Variants in WDR45B observed in about 807,000 individuals in gnomAD.
WDR45B encodes the protein WD repeat domain 45B.
A neutral mutation model predicts 44.6 loss-of-function variants in WDR45B; 20 were observed. The ratio of observed to expected loss-of-function variants is 0.45; its 90% confidence interval spans 0.32 to 0.65. WDR45B has a LOEUF of 0.65. Ranked by LOEUF, WDR45B falls within the 30% of genes least tolerant of loss-of-function variation. The pLI, the probability that WDR45B is intolerant of heterozygous loss-of-function variation, is 0.05. For synonymous variants in WDR45B, 169 were observed against 164.9 expected, an observed-to-expected ratio of 1.02 and a Z score of -0.19; for missense variants, 323 against 430.2, an observed-to-expected ratio of 0.75 and a Z score of 2.20.
chr17:82,629,869 CCACT>C, intron 3 of WDR45B: 1 of 985,228 alleles, frequency 1.0e-6, no homozygotes, highest in Non-Finnish European at 1.2e-6. Flanking sequence ...CCTAGTTCAC[CCACT>C]CACTTCCCAT....
At chr17:82,638,333 G>A (rs1389405199) in intron 2 of WDR45B, among the ~76,000 whole-genome samples, 1 of 147,960 alleles carries the variant, frequency 6.8e-6, no homozygotes. Context: ...TGGTGGTGGG[G>A]AGACAGGACA....
chr17:82,616,705 T>G (rs2045541011), intron 8 of WDR45B, 60 bp from the exon 9 acceptor site: 2 of 1,608,458 alleles, frequency 1.2e-6, no homozygotes, highest in Non-Finnish European at 1.7e-6. Flanking sequence ...ATCACCTGCG[T>G]AAGCTCAGAA....
intron 3 of WDR45B, among the ~76,000 whole-genome samples, chr17:82,627,855 T>C (rs539705570): frequency 4.6e-5 from 7 of 152,228 alleles, no homozygotes; most frequent in Non-Finnish European, 8.8e-5. Context: ...AGCCTGACCA[T>C]AGGTACTGAT....
chr17:82,627,685 T>C (rs2045716642), intron 3 of WDR45B, among the ~76,000 whole-genome samples: 1 of 152,038 alleles, frequency 6.6e-6, no homozygotes, highest in Non-Finnish European at 1.5e-5. Context: ...CGTCCGTTCC[T>C]CTCTCAGTGC....
intron 1 of WDR45B, among the ~76,000 whole-genome samples, chr17:82,645,767 C>T (rs2045967768): frequency 6.6e-6 from 1 of 152,094 alleles, no homozygotes; most frequent in Admixed American, 6.6e-5. Context: ...TACCCAAATG[C>T]CCAACCATGG....
intron 4 of WDR45B, 23 bp from the exon 5 acceptor site, chr17:82,625,506 A>G: frequency 6.2e-7 from 1 of 1,611,140 alleles, no homozygotes; most frequent in Non-Finnish European, 8.5e-7. Context: ...ACATGATCAG[A>G]GTTGCTTTCC....
At position 82,615,738 on chromosome 17, in the gene WDR45B, T is replaced by G. The variant is rs1440611465; in HGVS notation, c.*181A>C. The G allele has an allele frequency of 3.2e-6, 2 of 631,678 alleles. No homozygotes were observed. Among genetic ancestry groups the G allele is most frequent in the Admixed American group, 2.6e-5 (1 of 38,676 alleles). 39.1% of individuals were successfully genotyped at this position (631,678 alleles called of 1,614,324 possible). A position where few individuals can be genotyped will look rare whatever the true frequency, so the allele number is the denominator to read the frequency against. On this transcript the variant is annotated 3_prime_UTR_variant, in exon 10 of 10. Transcript: ENST00000392325. ...GTTACCTACGGTGCCTTGATGATGATTCTCTCTTTAATACTGGAAATGGGA... is the reference window on the plus strand; with the variant it reads ...GTTACCTACGGTGCCTTGATGATGAGTCTCTCTTTAATACTGGAAATGGGA...
intron 1 of WDR45B, 131 bp downstream of exon 1, chr17:82,648,143 G>T: frequency 1.8e-6 from 2 of 1,084,658 alleles, no homozygotes; most frequent in Non-Finnish European, 2.5e-6. Context: ...TCGGAGGGGA[G>T]CTCGGGCGGG....
chr17:82,617,604 T>A (rs913131248), intron 7 of WDR45B: 4 of 606,818 alleles, frequency 6.6e-6, no homozygotes, highest in Non-Finnish European at 1.2e-5. Flanking sequence ...CACAATCCAG[T>A]GTATCACGGC....
intron 5 of WDR45B, among the ~76,000 whole-genome samples, chr17:82,624,647 C>A (rs1363281289): frequency 6.8e-6 from 1 of 147,422 alleles, no homozygotes; most frequent in Admixed American, 6.8e-5. Flanking sequence ...GAGATAGAGT[C>A]TTGCTCTATC....
At chr17:82,643,584 C>T (rs1043818539) in intron 2 of WDR45B, among the ~76,000 whole-genome samples, 1 of 152,166 alleles carries the variant, frequency 6.6e-6, no homozygotes, top group African/African-American at 2.4e-5. Flanking sequence ...AAAATAAACT[C>T]CCAGACATAA....
intron 2 of WDR45B, among the ~76,000 whole-genome samples, chr17:82,631,352 C>T (rs142712638): frequency 0.022 from 3,185 of 142,016 alleles, 132 homozygotes; most frequent in African/African-American, 0.08. Context: ...CGCGCGATCT[C>T]GGCTTACTGC....
In WDR45B at chr17:82,648,334, G is replaced by A; in HGVS notation, c.7C>T (p.Leu3Phe). 1.2e-6 allele frequency: 2 copies of A among 1,606,486 alleles called. No homozygotes were observed. The highest frequency in any genetic ancestry group is 1.1e-5 in the South Asian group (1 of 90,374). ...TTGCCGTGAGGGTTACACGGCAGGAGGTTCATGGCGCCGCCGTGCTGGGTC... is the reference window on the plus strand; with the variant it reads ...TTGCCGTGAGGGTTACACGGCAGGAAGTTCATGGCGCCGCCGTGCTGGGTC... MN[L>F]LPCNPHGNGL... The change falls in exon 1 of 10, where the codon CTC becomes TTC. Residue 3 changes from leucine (L) to phenylalanine (F), a missense_variant. Leu to Phe is a conservative substitution (Grantham distance 22). Coordinates refer to ENST00000392325, the MANE Select transcript of WDR45B (RefSeq NM_019613.4).
At chr17:82,632,379 C>T (rs987820812) in intron 2 of WDR45B, among the ~76,000 whole-genome samples, 1 of 152,078 alleles carries the variant, frequency 6.6e-6, no homozygotes, top group Admixed American at 6.6e-5. Flanking sequence ...ATTGCCCAGG[C>T]TGGTCGTGAA....
chr17:82,617,245 G>A (rs1230823320), intron 8 of WDR45B, 51 bp downstream of exon 8: 1 of 1,553,280 alleles, frequency 6.4e-7, no homozygotes, highest in Non-Finnish European at 8.8e-7. Flanking sequence ...TGAAACACTG[G>A]GGACTCCTCT....
At chr17:82,620,824 G>A (rs755789215) in intron 6 of WDR45B, among the ~76,000 whole-genome samples, 4 of 152,078 alleles carry the variant, frequency 2.6e-5, no homozygotes, top group African/African-American at 7.2e-5. Context: ...TTCTGACCTC[G>A]CAAATCAAAG....
intron 2 of WDR45B, among the ~76,000 whole-genome samples, chr17:82,637,708 A>T (rs888841690): frequency 2.6e-5 from 4 of 152,016 alleles, no homozygotes; most frequent in African/African-American, 9.7e-5. Context: ...GAATATTACA[A>T]AGGATACAGA....
chr17:82,627,348 T>G, intron 3 of WDR45B, 57 bp from the exon 4 acceptor site: 1 of 1,401,848 alleles, frequency 7.1e-7, no homozygotes, highest in South Asian at 1.1e-5. Flanking sequence ...GGCGCTGGGA[T>G]GCAGCGATGC....
chr17:82,629,870 C>T, intron 3 of WDR45B: 1 of 985,330 alleles, frequency 1.0e-6, no homozygotes, highest in African/African-American at 1.7e-5. Context: ...CTAGTTCACC[C>T]ACTCACTTCC....
Sources: allele counts gnomAD v4.1 joint callset (sites outside exome capture counted in the v4.1 genomes callset), GRCh38; gene constraint gnomAD v4.1.1; transcripts MANE v1.5; gene names NCBI Gene and HGNC (gene_info 2026-07-23, HGNC 2026-07-21).